The following KCNMB2 variants were observed in gnomAD, a reference collection of about 807,000 sequenced individuals.
KCNMB2 encodes the protein potassium calcium-activated channel subfamily M regulatory beta subunit 2, also known as calcium-activated potassium channel subunit beta-2.
A neutral mutation model predicts 24.5 loss-of-function variants in KCNMB2; 9 were observed. The observed-to-expected ratio is 0.37, with a 90% CI of 0.22 to 0.64. The LOEUF (loss-of-function observed/expected upper bound fraction) is 0.64, where lower values mean the gene tolerates loss of function less well. Ranked by LOEUF, KCNMB2 falls within the 30% of genes least tolerant of loss-of-function variation. The pLI, the probability that KCNMB2 is intolerant of heterozygous loss-of-function variation, is 0.63. For missense variants in KCNMB2, 226 were observed against 284.3 expected, an observed-to-expected ratio of 0.79 and a Z score of 1.47; for synonymous variants, 109 against 104.4, an observed-to-expected ratio of 1.04 and a Z score of -0.27.
intron 1 of KCNMB2, among the ~76,000 whole-genome samples, chr3:178,776,922 T>C (rs1255588409): frequency 1.3e-5 from 2 of 152,096 alleles, no homozygotes; most frequent in Non-Finnish European, 2.9e-5. Flanking sequence ...ATCAGTAAAA[T>C]AGGAATAATA....
chr3:178,691,304 T>G (rs932548166), intron 1 of KCNMB2, among the ~76,000 whole-genome samples: 1 of 151,256 alleles, frequency 6.6e-6, no homozygotes, highest in Non-Finnish European at 1.5e-5. Flanking sequence ...TTTTTTTTTT[T>G]TTTAACATAG....
At chr3:178,727,312 T>G (rs767539127) in intron 1 of KCNMB2, among the ~76,000 whole-genome samples, 3 of 152,132 alleles carry the variant, frequency 2.0e-5, no homozygotes, top group Non-Finnish European at 4.4e-5. Flanking sequence ...CTTTTAGGAC[T>G]CAAATAAATT....
At chr3:178,758,429 T>C (rs1181468490) in intron 1 of KCNMB2, among the ~76,000 whole-genome samples, 12 of 67,502 alleles carry the variant, frequency 1.8e-4, no homozygotes, top group Non-Finnish European at 2.5e-4. Flanking sequence ...CAAGAGGGGA[T>C]ATATATATAT....
At chr3:178,720,543 G>A (rs1325364255) in intron 1 of KCNMB2, among the ~76,000 whole-genome samples, 109 of 119,826 alleles carry the variant, frequency 9.1e-4, no homozygotes, top group Admixed American at 3.4e-3. Flanking sequence ...CTAGATCCCT[G>A]AGGAATCGCC....
intron 1 of KCNMB2, among the ~76,000 whole-genome samples, chr3:178,726,277 T>C (rs1439857508): frequency 6.6e-6 from 1 of 151,934 alleles, no homozygotes; most frequent in African/African-American, 2.4e-5. Flanking sequence ...GAAAACCTCA[T>C]ATGACAATGC....
chr3:178,656,616 T>C (rs1274585285), intron 1 of KCNMB2, among the ~76,000 whole-genome samples: 1 of 151,674 alleles, frequency 6.6e-6, no homozygotes, highest in Non-Finnish European at 1.5e-5. Flanking sequence ...CTACTGAAAA[T>C]ACAAAAATTA....
chr3:178,549,272 CG>C (rs759832706), intron 1 of KCNMB2, among the ~76,000 whole-genome samples: 4 of 150,602 alleles, frequency 2.7e-5, no homozygotes, highest in Non-Finnish European at 5.9e-5. Context: ...CAATCTGCCT[CG>C]GGGCTTACCT....
At chr3:178,665,749 G>A (rs977982350) in intron 1 of KCNMB2, among the ~76,000 whole-genome samples, 8 of 152,184 alleles carry the variant, frequency 5.3e-5, no homozygotes, top group East Asian at 1.9e-4. Flanking sequence ...TTCTATCCTC[G>A]TACAGTTTAT....
Position 178,617,310 on chromosome 3 carries a change from G to A in KCNMB2, c.-68+80599G>A, listed in dbSNP as rs1388268529. Among the ~76,000 whole-genome samples, 4 of 152,206 alleles carry A rather than the reference G, an allele frequency of 2.6e-5. No individual in the cohort carries two copies. The South Asian group carries it at 8.3e-4, about 32-fold the overall frequency. The stretch of plus-strand genomic sequence containing the variant: ...GTGGTGGCTCACGCCTGTAATCCCA[G>A]CACTTTGGGAGGCCGAGGCAGGCAG... On this transcript the variant is annotated intron_variant, in intron 1 of 4. Coordinates refer to ENST00000452583, the MANE Select transcript of KCNMB2 (RefSeq NM_181361.3).
intron 1 of KCNMB2, among the ~76,000 whole-genome samples, chr3:178,564,771 T>G (rs971813613): frequency 1.3e-5 from 2 of 152,260 alleles, no homozygotes; most frequent in Admixed American, 6.5e-5. Flanking sequence ...ATCAAAAACT[T>G]TAAGAAGCAA....
intron 1 of KCNMB2, among the ~76,000 whole-genome samples, chr3:178,737,171 G>A (rs1229150682): frequency 1.3e-5 from 2 of 152,140 alleles, no homozygotes; most frequent in Admixed American, 1.3e-4. Context: ...TCGGGAGGCT[G>A]AAGCAAGAGA....
chr3:178,598,316 A>T (rs1271264459), intron 1 of KCNMB2, among the ~76,000 whole-genome samples: 1 of 152,148 alleles, frequency 6.6e-6, no homozygotes, highest in Non-Finnish European at 1.5e-5. Context: ...CAAATTATAG[A>T]CAATAAAGGT....
intron 1 of KCNMB2, among the ~76,000 whole-genome samples, chr3:178,671,866 G>A (rs746584637): frequency 6.6e-6 from 1 of 152,142 alleles, no homozygotes; most frequent in African/African-American, 2.4e-5. Flanking sequence ...CAACATAGAG[G>A]CTGGAACTAG....
At chr3:178,786,761 A>T (rs917476093) in intron 1 of KCNMB2, among the ~76,000 whole-genome samples, 2 of 152,136 alleles carry the variant, frequency 1.3e-5, no homozygotes, top group African/African-American at 4.8e-5. Flanking sequence ...AACTAAAAAA[A>T]GTATTAACTG....
At chr3:178,816,660 T>C (rs1714414018) in intron 2 of KCNMB2, among the ~76,000 whole-genome samples, 1 of 152,142 alleles carries the variant, frequency 6.6e-6, no homozygotes, top group African/African-American at 2.4e-5. Context: ...TGCATCCCAC[T>C]AATTGTTCTA....
chr3:178,557,596 T>C (rs1328606535), intron 1 of KCNMB2, among the ~76,000 whole-genome samples: 1 of 152,226 alleles, frequency 6.6e-6, no homozygotes, highest in Non-Finnish European at 1.5e-5. Flanking sequence ...GCCATGCCTT[T>C]ACAAAGAAAG....
chr3:178,661,703 G>T (rs989812225), intron 1 of KCNMB2, among the ~76,000 whole-genome samples: 1 of 152,096 alleles, frequency 6.6e-6, no homozygotes, highest in Non-Finnish European at 1.5e-5. Flanking sequence ...AGAATTACTT[G>T]GAAGCTTGCC....
chr3:178,759,303 A>G, intron 1 of KCNMB2, among the ~76,000 whole-genome samples: 1 of 109,908 alleles, frequency 9.1e-6, no homozygotes, highest in African/African-American at 3.7e-5. Context: ...AGACATATAT[A>G]TATCTCCAAG....
At chr3:178,613,270 C>G (rs903455527) in intron 1 of KCNMB2, among the ~76,000 whole-genome samples, 1 of 152,072 alleles carries the variant, frequency 6.6e-6, no homozygotes, top group Non-Finnish European at 1.5e-5. Flanking sequence ...TGGTGGTGGG[C>G]GCCTTTAATC....
Sources: gnomAD v4.1 joint callset for allele counts (sites outside exome capture counted in the v4.1 genomes callset) on GRCh38, gnomAD v4.1.1 for gene constraint, MANE v1.5 for transcripts, NCBI Gene and HGNC (gene_info 2026-07-23, HGNC 2026-07-21) for gene names.